ITIH2: variants seen among roughly 807,000 people sequenced by gnomAD.
The protein encoded by ITIH2 is inter-alpha-trypsin inhibitor heavy chain 2, also known as inter-alpha-trypsin inhibitor heavy chain H2.
A neutral mutation model predicts 104.4 loss-of-function variants in ITIH2; 103 were observed. The ratio of observed to expected loss-of-function variants is 0.99; its 90% CI spans 0.84 to 1.16. The LOEUF is 1.16. Among genes scored for constraint, ITIH2 ranks in the 50% most tolerant of loss-of-function variants. The probability of loss-of-function intolerance (pLI) is 0.00; values close to 1 mark genes in which losing one functional copy is unlikely to be tolerated. For missense variants in ITIH2, 1,108 were observed against 1,162.4 expected, an observed-to-expected ratio of 0.95 and a Z score of 0.68; for synonymous variants, 436 against 435.4, an observed-to-expected ratio of 1.00 and a Z score of -0.02.
chr10:7,714,110 G>GA (rs1215672486), intron 5 of ITIH2, among the ~76,000 whole-genome samples: 2 of 150,168 alleles, frequency 1.3e-5, no homozygotes, highest in East Asian at 1.9e-4. Context: ...TCTTCAAAGG[G>GA]AAAAAATCTT....
intron 4 of ITIH2, 42 bp from the exon 5 acceptor site, chr10:7,713,139 A>T: frequency 2.1e-6 from 3 of 1,434,846 alleles, no homozygotes; most frequent in Non-Finnish European, 9.7e-7. Flanking sequence ...AAAAAAAAAG[A>T]TTACTATTCT....
At chr10:7,724,569 T>TAAAAAAAAAAAA (rs1298592696) in intron 9 of ITIH2, among the ~76,000 whole-genome samples, 1 of 7,348 alleles carries the variant, frequency 1.4e-4, no homozygotes, top group Non-Finnish European at 3.1e-4. Flanking sequence ...AAACTCCATC[T>TAAAAAAAAAAAA]CAAAAAAAAA....
intron 4 of ITIH2, among the ~76,000 whole-genome samples, chr10:7,711,365 C>A (rs1177526841): frequency 6.6e-6 from 1 of 152,152 alleles, no homozygotes; most frequent in African/African-American, 2.4e-5. Context: ...AGGACAGAAT[C>A]GTGAAACATG....
intron 19 of ITIH2, among the ~76,000 whole-genome samples, chr10:7,745,791 G>A (rs1438189326): frequency 6.6e-6 from 1 of 151,160 alleles, no homozygotes; most frequent in East Asian, 2.1e-4. Context: ...TTTCTCTCTT[G>A]TTGCCCAGGC....
intron 9 of ITIH2, among the ~76,000 whole-genome samples, chr10:7,724,525 G>A (rs1038903547): frequency 7.8e-6 from 1 of 128,040 alleles, no homozygotes; most frequent in Non-Finnish European, 1.6e-5. Flanking sequence ...AGCAGAGATC[G>A]CGCCATTGCA....
intron 8 of ITIH2, 141 bp from the exon 9 acceptor site, chr10:7,723,310 G>C (rs1337750753): frequency 4.3e-6 from 3 of 691,190 alleles, no homozygotes; most frequent in Non-Finnish European, 7.9e-6. Flanking sequence ...GAGCAGGCAG[G>C]AAAATGTGGA....
At position 7,735,015 on chromosome 10, in the gene ITIH2, G is replaced by T; in HGVS notation, c.1881G>T (p.Ser627=). The change falls in exon 15 of 21, where the codon TCG becomes TCT. Residue 627 remains serine (S), a synonymous_variant. Transcript: ENST00000358415. ...LDHHIVTPLT[S]LVIENEAGDE... The stretch of plus-strand genomic sequence containing the variant: ...ACCACATTGTGACTCCGCTGACCTC[G>T]CTGGTGATCGAGAACGAGGCTGGGG... The T allele has an allele frequency of 6.2e-7, 1 of 1,613,702 alleles. No homozygotes were observed. The highest frequency in any genetic ancestry group is 8.5e-7 in the Non-Finnish European group (1 of 1,180,024).
At chr10:7,722,785 C>T (rs1234877712) in intron 8 of ITIH2, among the ~76,000 whole-genome samples, 1 of 152,186 alleles carries the variant, frequency 6.6e-6, no homozygotes, top group African/African-American at 2.4e-5. Flanking sequence ...GGGCTCTTGC[C>T]GAGCCCTTTA....
rs1187499594 is a variant in ITIH2, at chr10:7,749,218, G to A, written c.2725G>A (p.Val909Met). ...GLQKDYRTDL[V>M]FGTDVTCWFV... ...ACAGAAAGACTACAGAACGGATCTA[G>A]TGTTTGGAACGGACGTTACCTGCTG... The change falls in exon 21 of 21, where the codon GTG becomes ATG. Residue 909 changes from valine to methionine, a missense_variant. By Grantham distance (21) the Val-to-Met change is conservative. Coordinates refer to ENST00000358415, the MANE Select transcript of ITIH2 (RefSeq NM_002216.3). The A allele has an allele frequency of 1.9e-6, 3 of 1,614,044 alleles. No individual in the cohort carries two copies. The highest frequency in any genetic ancestry group is 2.5e-6 in the Non-Finnish European group (3 of 1,180,036).
rs1471155220 is a variant in ITIH2, at chr10:7,749,298, C to T, written c.2805C>T (p.Phe935=). 49 of 1,613,998 alleles carry T rather than the reference C, an allele frequency of 3.0e-5. No individual in the cohort carries two copies. The highest frequency in any genetic ancestry group is 3.8e-5 in the Non-Finnish European group (45 of 1,179,994). Residue 935 remains phenylalanine, a synonymous_variant, in exon 21 of 21, where the codon TTC becomes TTT. Coordinates refer to ENST00000358415, the MANE Select transcript of ITIH2 (RefSeq NM_002216.3). ...TTGACGGGCATTACAAGGATTACTTCGTGCCTCAGCTCTACAGCTTTCTCA... is the reference window on the plus strand; with the variant it reads ...TTGACGGGCATTACAAGGATTACTTTGTGCCTCAGCTCTACAGCTTTCTCA... ...GFIDGHYKDY[F]VPQLYSFLKR...
At chr10:7,728,728 A>G (rs1269643165) in intron 11 of ITIH2, among the ~76,000 whole-genome samples, 2 of 152,022 alleles carry the variant, frequency 1.3e-5, no homozygotes, top group Non-Finnish European at 1.5e-5. Context: ...TATTCTGGCC[A>G]CTGTAAGTAA....
intron 16 of ITIH2, among the ~76,000 whole-genome samples, chr10:7,739,720 C>CA (rs981166118): frequency 6.6e-5 from 10 of 151,808 alleles, no homozygotes; most frequent in South Asian, 2.1e-4. Flanking sequence ...AAAACAAAAA[C>CA]AAAAAAACCC....
At position 7,708,903 on chromosome 10, in the gene ITIH2, G is replaced by C. The variant is rs192264970; in HGVS notation, c.193-119G>C. 11 of 852,576 alleles carry C rather than the reference G, an allele frequency of 1.3e-5. No individual in the cohort carries two copies. The Admixed American group carries it at 2.1e-4, about 17-fold the overall frequency. The allele number at this position is 852,576 out of a possible 1,614,324, so 52.8% of individuals were successfully genotyped here. Reference sequence around the variant, plus strand: ...GAATTCTGTCCTTACCAAGGCCCTGGAATTGTTCTGCTAGTAAAACAAGTA... The same window carrying C: ...GAATTCTGTCCTTACCAAGGCCCTGCAATTGTTCTGCTAGTAAAACAAGTA... On this transcript the variant is annotated intron_variant, in intron 3 of 20. Coordinates refer to ENST00000358415, the MANE Select transcript of ITIH2 (RefSeq NM_002216.3).
intron 8 of ITIH2, among the ~76,000 whole-genome samples, chr10:7,722,324 C>T (rs1834912188): frequency 1.3e-5 from 2 of 150,186 alleles, no homozygotes; most frequent in African/African-American, 5.0e-5. Context: ...GAGCACACAC[C>T]CTGTACCTGG....
intron 5 of ITIH2, among the ~76,000 whole-genome samples, chr10:7,717,117 C>T (rs978809215): frequency 6.6e-6 from 1 of 152,186 alleles, no homozygotes; most frequent in South Asian, 2.1e-4. Flanking sequence ...CCATGCCCAG[C>T]TAATTTTTGT....
rs147186273 is a variant in ITIH2, at chr10:7,735,006, G to A, written c.1872G>A (p.Pro624=). Residue 624 remains proline, a synonymous_variant, in exon 15 of 21, where the codon CCG becomes CCA. Transcript: ENST00000358415. The stretch of plus-strand genomic sequence containing the variant: ...CTCTAGACCACCACATTGTGACTCC[G>A]CTGACCTCGCTGGTGATCGAGAACG... The part of the protein sequence containing the change: ...QMSLDHHIVT[P]LTSLVIENEA... The A allele has an allele frequency of 1.2e-5, 19 of 1,613,536 alleles. No individual in the cohort carries two copies. The highest frequency in any genetic ancestry group is 1.6e-4 in the Middle Eastern group (1 of 6,084).
chr10:7,705,212 A>G (rs1413996374), intron 2 of ITIH2, 30 bp downstream of exon 2: 12 of 1,373,662 alleles, frequency 8.7e-6, no homozygotes, highest in East Asian at 4.6e-5. Context: ...CAAAAGGGGG[A>G]AAAAAAGTGA....
In ITIH2 at chr10:7,726,941, T is replaced by A; in HGVS notation, c.985-9T>A. The A allele has an allele frequency of 6.3e-7, 1 of 1,594,974 alleles. No individual in the cohort carries two copies. Among genetic ancestry groups the A allele is most frequent in the South Asian group, 1.1e-5 (1 of 87,734 alleles). ...TAATGGGACCTGTCTTTATTCTCTATTGAAATAGACTGTGGAAGCAATGAA... is the reference window on the plus strand; with the variant it reads ...TAATGGGACCTGTCTTTATTCTCTAATGAAATAGACTGTGGAAGCAATGAA... On this transcript the variant is annotated splice_polypyrimidine_tract_variant and intron_variant, in intron 9 of 20. Coordinates refer to ENST00000358415, the MANE Select transcript of ITIH2 (RefSeq NM_002216.3).
At chr10:7,734,201 TG>T (rs1402576664) in intron 14 of ITIH2, among the ~76,000 whole-genome samples, 1 of 152,188 alleles carries the variant, frequency 6.6e-6, no homozygotes, top group Non-Finnish European at 1.5e-5. Context: ...CCACGTTAAC[TG>T]TGGACTCTGC....
Sources: gnomAD v4.1 joint callset for allele counts (sites outside exome capture counted in the v4.1 genomes callset) on GRCh38, gnomAD v4.1.1 for gene constraint, MANE v1.5 for transcripts, NCBI Gene and HGNC (gene_info 2026-07-23, HGNC 2026-07-21) for gene names.